FRMPD4: variants seen among roughly 807,000 people sequenced by gnomAD.
The protein encoded by FRMPD4 is FERM and PDZ domain-containing protein 4.
FRMPD4 carries 22 observed loss-of-function variants against 94.1 expected under a neutral mutation model. The observed-to-expected ratio is 0.23, with a 90% CI of 0.17 to 0.33. The LOEUF (loss-of-function observed/expected upper bound fraction) is 0.33. FRMPD4 is among the 10% of genes least tolerant of loss of function. The pLI is 1.00. For synonymous variants in FRMPD4, 631 were observed against 548.6 expected (o/e 1.15, Z -2.10); for missense variants, 1,111 against 1,339.9 (o/e 0.83, Z 2.67).
chrX:12,296,654 G>A (rs771298413), intron 1 of FRMPD4, among the ~76,000 whole-genome samples: 4 of 112,206 alleles, frequency 3.6e-5, no homozygotes, highest in African/African-American at 1.3e-4. Flanking sequence ...TTCACAGCAG[G>A]TTGGACTTGC....
At chrX:12,329,536 C>A (rs377249214) in intron 1 of FRMPD4, among the ~76,000 whole-genome samples, 1 of 110,657 alleles carries the variant, frequency 9.0e-6, no homozygotes, top group Admixed American at 9.7e-5. Flanking sequence ...CCCAACAATA[C>A]GCATGTGAAG....
At chrX:12,034,947 G>A (rs1473827821) in intron 3 of FRMPD4, among the ~76,000 whole-genome samples, 1 of 111,835 alleles carries the variant, frequency 8.9e-6, no homozygotes, top group Admixed American at 9.5e-5. Flanking sequence ...GACGACTCAA[G>A]TTGGCAGCTG....
At chrX:12,459,882 A>T (rs2057374316) in intron 1 of FRMPD4, among the ~76,000 whole-genome samples, 1 of 111,888 alleles carries the variant, frequency 8.9e-6, no homozygotes, top group African/African-American at 3.2e-5. Context: ...AAATGTTTCC[A>T]AAAGTGACTG....
intron 1 of FRMPD4, among the ~76,000 whole-genome samples, chrX:12,384,856 T>C: frequency 8.9e-6 from 1 of 112,282 alleles, no homozygotes. Flanking sequence ...GGAGATGTAA[T>C]GCATGGCTCC....
At chrX:12,709,818 AT>A (rs768283034) in intron 13 of FRMPD4, among the ~76,000 whole-genome samples, 1 of 110,801 alleles carries the variant, frequency 9.0e-6, no homozygotes, top group Non-Finnish European at 1.9e-5. Flanking sequence ...AGACAATCTC[AT>A]TTTTTTTCAT....
chrX:12,638,075 T>C (rs750799324), intron 4 of FRMPD4, among the ~76,000 whole-genome samples: 1 of 112,142 alleles, frequency 8.9e-6, no homozygotes, highest in South Asian at 3.8e-4. Flanking sequence ...CGTGAGCACA[T>C]ACTCTGATCC....
At chrX:12,472,633 G>C (rs762943301) in intron 1 of FRMPD4, among the ~76,000 whole-genome samples, 2 of 111,881 alleles carry the variant, frequency 1.8e-5, no homozygotes, top group East Asian at 2.8e-4. Flanking sequence ...CTGATGGAGC[G>C]GAAAACCATG....
In FRMPD4 at chrX:12,609,575, G is replaced by C. The variant is rs1259697199; in HGVS notation, c.159-146G>C. ...AGCAAAACTGGCCCAAGTAGGCCAC[G>C]AAAGAAGCATGACTATGGGTCTCCC... On this transcript the variant is annotated intron_variant, in intron 2 of 16. Coordinates refer to ENST00000675598, the MANE Select transcript of FRMPD4 (RefSeq NM_001368397.1). 4.1e-5 allele frequency: 20 copies of C among 491,778 alleles called. No individual in the cohort carries two copies. In the East Asian group the frequency reaches 6.6e-4, roughly 16 times the overall value. 40.5% of individuals were successfully genotyped at this position (491,778 alleles called of 1,213,427 possible). A position where few individuals can be genotyped will look rare whatever the true frequency, so the allele number is the denominator to read the frequency against.
intron 2 of FRMPD4, among the ~76,000 whole-genome samples, chrX:12,515,874 T>G: frequency 8.9e-6 from 1 of 111,917 alleles, no homozygotes; most frequent in Non-Finnish European, 1.9e-5. Flanking sequence ...TGAATCTGGG[T>G]GCTCCTGTAT....
chrX:12,058,869 T>C (rs1322839875), intron 3 of FRMPD4, among the ~76,000 whole-genome samples: 2 of 110,518 alleles, frequency 1.8e-5, no homozygotes, highest in East Asian at 5.7e-4. Flanking sequence ...AGGCCAGGGA[T>C]GCTGCTAAAT....
intron 1 of FRMPD4, among the ~76,000 whole-genome samples, chrX:12,263,138 G>T (rs992968296): frequency 8.9e-6 from 1 of 111,877 alleles, no homozygotes; most frequent in Non-Finnish European, 1.9e-5. Flanking sequence ...CAACCTAAGG[G>T]AGAAAGGATG....
intron 3 of FRMPD4, among the ~76,000 whole-genome samples, chrX:11,898,809 A>G (rs2053918345): frequency 1.8e-5 from 2 of 111,952 alleles, no homozygotes; most frequent in Non-Finnish European, 3.8e-5. Context: ...ATCCAGCAGG[A>G]TTTCCTAAGT....
chrX:12,384,549 A>ATGTT (rs1283076377), intron 1 of FRMPD4, among the ~76,000 whole-genome samples: 4 of 111,440 alleles, frequency 3.6e-5, no homozygotes, highest in Non-Finnish European at 7.5e-5. Context: ...CAATAATGGA[A>ATGTT]TGTTAGACCT....
intron 1 of FRMPD4, among the ~76,000 whole-genome samples, chrX:12,157,604 G>C (rs1326430766): frequency 8.9e-6 from 1 of 112,229 alleles, no homozygotes; most frequent in Non-Finnish European, 1.9e-5. Flanking sequence ...AGCATCTACT[G>C]AGGCGCTGGG....
chrX:11,828,812 C>T (rs758614115), intron 1 of FRMPD4, among the ~76,000 whole-genome samples: 5 of 112,457 alleles, frequency 4.4e-5, no homozygotes, highest in Non-Finnish European at 9.4e-5. Flanking sequence ...TGGCCTGCTC[C>T]CAATCTCTTC....
intron 1 of FRMPD4, among the ~76,000 whole-genome samples, chrX:11,857,536 A>G (rs914677275): frequency 2.7e-5 from 3 of 112,671 alleles, no homozygotes; most frequent in Non-Finnish European, 5.6e-5. Context: ...TCTTCCTTAC[A>G]CTATGTACAA....
At chrX:12,107,417 A>G (rs1418485073) in intron 3 of FRMPD4, among the ~76,000 whole-genome samples, 5 of 111,911 alleles carry the variant, frequency 4.5e-5, no homozygotes, top group Admixed American at 3.8e-4. Context: ...ATCATCAAAG[A>G]CCAAAGGTAG....
chrX:11,927,290 A>G (rs1383777118), intron 3 of FRMPD4, among the ~76,000 whole-genome samples: 5 of 112,469 alleles, frequency 4.4e-5, no homozygotes, highest in Admixed American at 3.8e-4. Flanking sequence ...CACGTATAGG[A>G]AGAATCAATA....
intron 2 of FRMPD4, among the ~76,000 whole-genome samples, chrX:12,522,464 T>C (rs759242206): frequency 7.1e-5 from 8 of 111,986 alleles, no homozygotes; most frequent in Non-Finnish European, 1.3e-4. Flanking sequence ...CACTAATGCA[T>C]GTATTGAATA....
Sources: allele counts gnomAD v4.1 joint callset (sites outside exome capture counted in the v4.1 genomes callset), GRCh38; gene constraint gnomAD v4.1.1; transcripts MANE v1.5; gene names NCBI Gene and HGNC (gene_info 2026-07-23, HGNC 2026-07-21).